Variants in ME1 observed in about 807,000 individuals in gnomAD.
ME1 encodes malic enzyme 1.
Under a neutral mutation model 66.4 loss-of-function variants are expected in ME1, and 74 were observed. The ratio of observed to expected loss-of-function variants is 1.11; its 90% CI spans 0.92 to 1.35. ME1 has a LOEUF of 1.35. ME1 is among the 40% of genes most tolerant of loss of function. The probability of loss-of-function intolerance (pLI) is 0.00; values close to 1 mark genes in which losing one functional copy is unlikely to be tolerated. For missense variants in ME1, 750 were observed against 694.1 expected, an observed-to-expected ratio of 1.08 and a Z score of -0.90; for synonymous variants, 251 against 235.6, an observed-to-expected ratio of 1.07 and a Z score of -0.60.
intron 3 of ME1, among the ~76,000 whole-genome samples, chr6:83,354,020 C>T (rs1583397051): frequency 6.6e-6 from 1 of 152,172 alleles, no homozygotes; most frequent in East Asian, 1.9e-4. Flanking sequence ...TTCTCAGGTT[C>T]CTTTGCTGCC....
intron 5 of ME1, among the ~76,000 whole-genome samples, chr6:83,331,391 CA>C (rs1398646904): frequency 6.6e-6 from 1 of 151,770 alleles, no homozygotes; most frequent in African/African-American, 2.4e-5. Flanking sequence ...AGTTTAAGAC[CA>C]GCCTGGCCAA....
chr6:83,229,818 T>C (rs2128524196), intron 9 of ME1, among the ~76,000 whole-genome samples: 1 of 152,258 alleles, frequency 6.6e-6, no homozygotes, highest in African/African-American at 2.4e-5. Context: ...GGTATTATCA[T>C]TTTATTTCTG....
intron 1 of ME1, among the ~76,000 whole-genome samples, chr6:83,429,600 G>T (rs1770442910): frequency 6.6e-6 from 1 of 152,092 alleles, no homozygotes; most frequent in Non-Finnish European, 1.5e-5. Flanking sequence ...TTATTTTAAA[G>T]AAAGAAATAA....
Position 83,407,659 on chromosome 6 carries a change from T to C in ME1, c.212+109A>G, listed in dbSNP as rs1769971927. 1.4e-5 allele frequency: 15 copies of C among 1,084,652 alleles called. No individual in the cohort carries two copies. The East Asian group carries it at 3.9e-4, about 28-fold the overall frequency. The allele number at this position is 1,084,652 out of a possible 1,614,324, so 67.2% of individuals were successfully genotyped here. On this transcript the variant is annotated intron_variant, in intron 2 of 13. Transcript: ENST00000369705. ...GTTTACAGGAAAATTCTTCTCAAAG[T>C]TGGCTACCCTTTCCAAATCATTAAA...
At chr6:83,253,211 C>G (rs1583341841) in intron 7 of ME1, among the ~76,000 whole-genome samples, 5 of 152,202 alleles carry the variant, frequency 3.3e-5, no homozygotes, top group African/African-American at 1.2e-4. Flanking sequence ...CAAGCATCTA[C>G]AATCAAAGAC....
At chr6:83,407,705 A>G (rs1583421681) in intron 2 of ME1, 63 bp downstream of exon 2, 12 of 1,398,252 alleles carry the variant, frequency 8.6e-6, no homozygotes, top group South Asian at 5.4e-5. Context: ...TTCTCACCCA[A>G]TAAAAAATAA....
rs547147354 is a variant in ME1, at chr6:83,253,865, G to A, written c.705-127C>T. 53 of 539,762 alleles carry A rather than the reference G, an allele frequency of 9.8e-5. No homozygotes were observed. The South Asian group carries it at 1.3e-3, about 13-fold the overall frequency. The allele number at this position is 539,762 out of a possible 1,614,324, so 33.4% of individuals were successfully genotyped here. ...TTAAAGGTTCTATCTTGCTGCTTAA[G>A]TATAAATATGTAATATAATATCTGT... On this transcript the variant is annotated intron_variant, in intron 6 of 13. Transcript: ENST00000369705.
intron 1 of ME1, among the ~76,000 whole-genome samples, chr6:83,411,986 C>T (rs994576326): frequency 6.6e-6 from 1 of 152,096 alleles, no homozygotes; most frequent in Non-Finnish European, 1.5e-5. Flanking sequence ...CTATGTATAT[C>T]TTCTTGACAA....
intron 3 of ME1, among the ~76,000 whole-genome samples, chr6:83,382,160 T>G (rs1769416757): frequency 6.6e-6 from 1 of 152,102 alleles, no homozygotes; most frequent in African/African-American, 2.4e-5. Context: ...TGTTTATCAT[T>G]GTCCTCTGTT....
chr6:83,308,629 ACAAAT>A (rs989775171), intron 6 of ME1, among the ~76,000 whole-genome samples: 2 of 151,618 alleles, frequency 1.3e-5, no homozygotes, highest in African/African-American at 4.8e-5. Context: ...TATAAACAAA[ACAAAT>A]CAAATTTTAC....
At chr6:83,218,338 C>T (rs183201248) in intron 12 of ME1, among the ~76,000 whole-genome samples, 1 of 152,286 alleles carries the variant, frequency 6.6e-6, no homozygotes, top group Non-Finnish European at 1.5e-5. Flanking sequence ...TTTTCCTCCC[C>T]TCTTCTTGGT....
intron 3 of ME1, among the ~76,000 whole-genome samples, chr6:83,386,533 T>C (rs1561999013): frequency 6.6e-6 from 1 of 151,796 alleles, no homozygotes; most frequent in Non-Finnish European, 1.5e-5. Context: ...TTCTGGTCCA[T>C]GAAAAAAGGC....
chr6:83,348,664 AC>A (rs1768732236), intron 4 of ME1, among the ~76,000 whole-genome samples: 1 of 151,726 alleles, frequency 6.6e-6, no homozygotes, highest in African/African-American at 2.4e-5. Flanking sequence ...TCTATGTTAA[AC>A]TAAATATATG....
chr6:83,422,548 T>C (rs149322639), intron 1 of ME1, among the ~76,000 whole-genome samples: 15 of 152,302 alleles, frequency 9.8e-5, no homozygotes, highest in Admixed American at 6.5e-5. Context: ...TTCTGTACAA[T>C]GTACAAAGAC....
chr6:83,272,414 G>T (rs957778550), intron 6 of ME1, among the ~76,000 whole-genome samples: 2 of 152,050 alleles, frequency 1.3e-5, no homozygotes, highest in Non-Finnish European at 2.9e-5. Context: ...AAGATAATTT[G>T]TGTGTAACAT....
chr6:83,238,840 T>C (rs1790460294), intron 8 of ME1, among the ~76,000 whole-genome samples: 1 of 131,478 alleles, frequency 7.6e-6, no homozygotes, highest in African/African-American at 2.7e-5. Flanking sequence ...TATTTCTCTA[T>C]TACTTACATT....
intron 3 of ME1, among the ~76,000 whole-genome samples, chr6:83,367,689 T>A (rs1354884407): frequency 1.3e-5 from 2 of 152,192 alleles, no homozygotes; most frequent in African/African-American, 2.4e-5. Flanking sequence ...TTCCCAGAAA[T>A]GAAGAGAGTT....
intron 7 of ME1, among the ~76,000 whole-genome samples, chr6:83,250,790 T>A (rs1790709664): frequency 6.6e-6 from 1 of 152,202 alleles, no homozygotes; most frequent in Admixed American, 6.5e-5. Flanking sequence ...AGTTCAACAC[T>A]CACCAACTCT....
chr6:83,264,296 T>C (rs906303327), intron 6 of ME1, among the ~76,000 whole-genome samples: 1 of 152,186 alleles, frequency 6.6e-6, no homozygotes, highest in African/African-American at 2.4e-5. Context: ...TATTGCTGCT[T>C]ATTGGCAATG....
Sources: gnomAD v4.1 joint callset for allele counts (sites outside exome capture counted in the v4.1 genomes callset) on GRCh38, gnomAD v4.1.1 for gene constraint, MANE v1.5 for transcripts, NCBI Gene and HGNC (gene_info 2026-07-23, HGNC 2026-07-21) for gene names.